MCPH1: variants seen among roughly 807,000 people sequenced by gnomAD.
MCPH1 encodes the protein microcephalin.
MCPH1 carries 104 observed loss-of-function variants against 84.5 expected under a neutral mutation model. The observed-to-expected ratio is 1.23, with a 90% CI of 1.05 to 1.45. The LOEUF (loss-of-function observed/expected upper bound fraction) is 1.45, where lower values mean the gene tolerates loss of function less well. MCPH1 is among the 40% of genes most tolerant of loss of function. MCPH1 has a pLI of 0.00. For synonymous variants in MCPH1, 514 were observed against 366.8 expected, an observed-to-expected ratio of 1.40 and a Z score of -4.58; for missense variants, 1,498 against 1,005.7, an observed-to-expected ratio of 1.49 and a Z score of -6.62.
Position 6,414,775 on chromosome 8 carries a change from CTT to C in MCPH1, c.128_129del (p.Phe43Ter). The stretch of plus-strand genomic sequence containing the variant: ...GCATTTTGTCTACAGGTTTCAAAAA[CTT>C]TTAACAAACAAGTAACTCACGTTAT... On this transcript the variant is annotated frameshift_variant, in exon 3 of 14. Coordinates refer to ENST00000344683, the MANE Select transcript of MCPH1 (RefSeq NM_024596.5). LOFTEE classifies it high-confidence loss of function. The C allele has an allele frequency of 2.5e-6, 4 of 1,613,646 alleles. No individual in the cohort carries two copies. The highest frequency in any genetic ancestry group is 2.5e-6 in the Non-Finnish European group (3 of 1,179,758).
intron 12 of MCPH1, among the ~76,000 whole-genome samples, chr8:6,601,379 G>T (rs770744303): frequency 6.6e-6 from 1 of 151,872 alleles, no homozygotes; most frequent in African/African-American, 2.4e-5. Context: ...CTCCTCTTCC[G>T]TCCAGCCACC....
chr8:6,527,234 T>C (rs964566907), intron 12 of MCPH1, among the ~76,000 whole-genome samples: 1 of 150,692 alleles, frequency 6.6e-6, no homozygotes, highest in African/African-American at 2.4e-5. Context: ...TTTGGGCCAG[T>C]GGTTCTTTCA....
chr8:6,441,904 C>T (rs566334515), intron 6 of MCPH1, among the ~76,000 whole-genome samples, 163 bp from the exon 7 acceptor site: 1 of 152,320 alleles, frequency 6.6e-6, no homozygotes, highest in African/African-American at 2.4e-5. Flanking sequence ...TTCTGTTGAG[C>T]TTCTGATTAG....
At chr8:6,531,186 G>C (rs73507122) in intron 12 of MCPH1, among the ~76,000 whole-genome samples, 3 of 151,504 alleles carry the variant, frequency 2.0e-5, no homozygotes, top group African/African-American at 7.3e-5. Context: ...CAGGCCGTTC[G>C]CTGGGTCACA....
intron 12 of MCPH1, chr8:6,616,278 G>A (rs1830784398): frequency 6.6e-6 from 1 of 152,174 alleles, no homozygotes; most frequent in African/African-American, 2.4e-5. Flanking sequence ...AGAGGGAAAA[G>A]CGAATGCACT....
intron 11 of MCPH1, among the ~76,000 whole-genome samples, chr8:6,486,474 G>A (rs539458556): frequency 7.2e-5 from 11 of 152,278 alleles, no homozygotes; most frequent in Non-Finnish European, 1.0e-4. Flanking sequence ...TTCTTGTAAA[G>A]GAGATTTGTA....
chr8:6,468,164 A>C (rs970390678), intron 9 of MCPH1, among the ~76,000 whole-genome samples: 1 of 152,130 alleles, frequency 6.6e-6, no homozygotes, highest in Non-Finnish European at 1.5e-5. Context: ...TGCAGATAAG[A>C]GTGCACCCTG....
chr8:6,499,986 T>C, intron 12 of MCPH1, 57 bp downstream of exon 12: 10 of 1,451,762 alleles, frequency 6.9e-6, no homozygotes, highest in South Asian at 3.4e-5. Flanking sequence ...CAAGAAATTA[T>C]TATAAACATA....
chr8:6,530,790 T>G (rs973209917), intron 12 of MCPH1, among the ~76,000 whole-genome samples: 3 of 152,222 alleles, frequency 2.0e-5, no homozygotes, highest in Non-Finnish European at 4.4e-5. Flanking sequence ...ATTTCACTAC[T>G]GTTTTCTCTG....
intron 3 of MCPH1, among the ~76,000 whole-genome samples, chr8:6,425,068 G>A (rs927467530): frequency 3.9e-5 from 6 of 152,198 alleles, no homozygotes; most frequent in Admixed American, 6.5e-5. Flanking sequence ...TGAAGGCATC[G>A]TCCTAAGGGT....
intron 3 of MCPH1, among the ~76,000 whole-genome samples, chr8:6,417,304 C>T (rs184360542): frequency 6.6e-6 from 1 of 152,088 alleles, no homozygotes; most frequent in Non-Finnish European, 1.5e-5. Flanking sequence ...TTAGGCTTTG[C>T]GGGCCATATG....
chr8:6,594,132 C>T lies in MCPH1; in HGVS notation c.2215-27322C>T, dbSNP rs1040534753. Among the ~76,000 whole-genome samples the T allele has an allele frequency of 3.9e-5, 6 of 152,356 alleles. No homozygotes were observed. In the South Asian group the frequency reaches 6.2e-4, roughly 16 times the overall value. ...TTGAGCAGAGGTTTGCTGAGTTGAGCAGGGGTGTGGCTGCAGGGCCTAGCC... is the reference window on the plus strand; with the variant it reads ...TTGAGCAGAGGTTTGCTGAGTTGAGTAGGGGTGTGGCTGCAGGGCCTAGCC... On this transcript the variant is annotated intron_variant, in intron 12 of 13. Transcript: ENST00000344683.
intron 3 of MCPH1, among the ~76,000 whole-genome samples, chr8:6,418,788 G>C (rs915326842): frequency 2.0e-5 from 3 of 151,932 alleles, no homozygotes; most frequent in African/African-American, 7.3e-5. Context: ...CACCATGTTG[G>C]CCAGGATGAT....
At chr8:6,563,801 A>G (rs2129575999) in intron 12 of MCPH1, among the ~76,000 whole-genome samples, 1 of 152,314 alleles carries the variant, frequency 6.6e-6, no homozygotes, top group South Asian at 2.1e-4. Context: ...ACAGTTGGAT[A>G]GAAAGATCTG....
In MCPH1 at chr8:6,438,984, T is replaced by C. The variant is rs2129554928; in HGVS notation, c.468T>C (p.Ser156=). 1.2e-6 allele frequency: 2 copies of C among 1,611,714 alleles called. No individual in the cohort carries two copies. Among genetic ancestry groups the C allele is most frequent in the East Asian group, 2.2e-5 (1 of 44,842 alleles). The change falls in exon 6 of 14, where the codon TCT becomes TCC. Residue 156 remains serine (S), a synonymous_variant. Transcript: ENST00000344683. ...ATGTACCTATTCTCTTATTTGAATC[T>C]AATGGTTCATTAATATATACTCCCA... ...DDDVPILLFE[S]NGSLIYTPTI... is the part of the protein sequence containing the mutation.
chr8:6,608,910 C>T (rs1462773162), intron 12 of MCPH1, among the ~76,000 whole-genome samples: 5 of 152,128 alleles, frequency 3.3e-5, no homozygotes, highest in Non-Finnish European at 5.9e-5. Context: ...TGGGGTGGGG[C>T]CCCTAAAACA....
intron 12 of MCPH1, among the ~76,000 whole-genome samples, chr8:6,524,780 T>G (rs1818018549): frequency 6.6e-6 from 1 of 152,330 alleles, no homozygotes. Context: ...GTAAGGTCTG[T>G]AAATAGAAGT....
chr8:6,507,197 C>T, intron 12 of MCPH1, among the ~76,000 whole-genome samples: 1 of 152,034 alleles, frequency 6.6e-6, no homozygotes, highest in Non-Finnish European at 1.5e-5. Context: ...CATGCCCAGC[C>T]CTATTAATGA....
At chr8:6,642,756 G>A (rs1416725398) in intron 13 of MCPH1, 1 of 571,658 alleles carries the variant, frequency 1.7e-6, no homozygotes, top group African/African-American at 1.9e-5. Context: ...GGGACATGTG[G>A]CTACCAAGCA....
Sources: gnomAD v4.1 joint callset for allele counts (sites outside exome capture counted in the v4.1 genomes callset) on GRCh38, gnomAD v4.1.1 for gene constraint, MANE v1.5 for transcripts, NCBI Gene and HGNC (gene_info 2026-07-23, HGNC 2026-07-21) for gene names.